The following FHIT variants were observed in gnomAD, a reference collection of about 807,000 sequenced individuals.
The protein encoded by FHIT is fragile histidine triad diadenosine triphosphatase.
FHIT carries 19 observed loss-of-function variants against 17.9 expected under a neutral mutation model. The ratio of observed to expected loss-of-function variants is 1.06; its 90% confidence interval spans 0.74 to 1.56. The LOEUF (loss-of-function observed/expected upper bound fraction) is 1.56, where lower values mean the gene tolerates loss of function less well. FHIT is among the 40% of genes most tolerant of loss of function. FHIT has a pLI of 0.00. For synonymous variants in FHIT, 81 were observed against 69.7 expected, an observed-to-expected ratio of 1.16 and a Z score of -0.81; for missense variants, 248 against 189.2, an observed-to-expected ratio of 1.31 and a Z score of -1.82.
chr3:60,316,531 C>T (rs943117384), intron 5 of FHIT, among the ~76,000 whole-genome samples: 1 of 152,144 alleles, frequency 6.6e-6, no homozygotes, highest in African/African-American at 2.4e-5. Context: ...TAGCAGCAAG[C>T]ACTATTTCTC....
intron 4 of FHIT, among the ~76,000 whole-genome samples, chr3:60,636,486 T>C (rs111877472): frequency 5.9e-5 from 9 of 152,184 alleles, no homozygotes; most frequent in Non-Finnish European, 1.0e-4. Context: ...CTGGATAAAT[T>C]CCTATGGATG....
intron 4 of FHIT, among the ~76,000 whole-genome samples, chr3:60,655,517 C>T (rs546163043): frequency 1.5e-4 from 23 of 152,210 alleles, no homozygotes; most frequent in African/African-American, 5.1e-4. Flanking sequence ...GGAAATGAGA[C>T]ACATCATTTT....
intron 5 of FHIT, among the ~76,000 whole-genome samples, chr3:60,270,146 G>C (rs1339470603): frequency 6.6e-6 from 1 of 152,174 alleles, no homozygotes; most frequent in African/African-American, 2.4e-5. Flanking sequence ...AGGTGACAGA[G>C]ACTCAGTGGT....
intron 5 of FHIT, among the ~76,000 whole-genome samples, chr3:60,499,551 C>A (rs1282864924): frequency 6.6e-6 from 1 of 152,180 alleles, no homozygotes; most frequent in Admixed American, 6.5e-5. Context: ...GCCACCGCAC[C>A]CGGCTAATAT....
chr3:60,499,809 T>A (rs914261369), intron 5 of FHIT, among the ~76,000 whole-genome samples: 2 of 152,204 alleles, frequency 1.3e-5, no homozygotes, highest in Admixed American at 1.3e-4. Flanking sequence ...TCGTTAGTTC[T>A]TACAGCACGT....
intron 3 of FHIT, among the ~76,000 whole-genome samples, chr3:60,946,081 A>T (rs9859690): frequency 0.51 from 77,238 of 151,906 alleles, 20,508 homozygotes; most frequent in East Asian, 0.67. Flanking sequence ...AAAGAAGAGA[A>T]GAACCATAGC....
At chr3:61,088,814 T>C (rs1319728587) in intron 2 of FHIT, among the ~76,000 whole-genome samples, 1 of 152,144 alleles carries the variant, frequency 6.6e-6, no homozygotes, top group Non-Finnish European at 1.5e-5. Flanking sequence ...TTGAACATTA[T>C]CTTATGCTGT....
intron 5 of FHIT, among the ~76,000 whole-genome samples, chr3:60,123,647 G>A (rs1220573273): frequency 6.6e-6 from 1 of 152,088 alleles, no homozygotes; most frequent in East Asian, 1.9e-4. Context: ...ATGATGAGTA[G>A]AGAAACCCAA....
intron 1 of FHIT, among the ~76,000 whole-genome samples, chr3:61,209,565 T>C (rs796217146): frequency 2.0e-5 from 3 of 151,930 alleles, no homozygotes; most frequent in African/African-American, 2.4e-5. Flanking sequence ...ATTTCATTCG[T>C]CTTCCATCAT....
chr3:60,286,695 C>A (rs547679127), intron 5 of FHIT, among the ~76,000 whole-genome samples: 1 of 152,158 alleles, frequency 6.6e-6, no homozygotes, highest in Non-Finnish European at 1.5e-5. Flanking sequence ...CAGGGAAAGT[C>A]GGTGTTTGCT....
chr3:59,951,984 C>A (rs1333742369), intron 7 of FHIT, among the ~76,000 whole-genome samples: 1 of 152,152 alleles, frequency 6.6e-6, no homozygotes, highest in Non-Finnish European at 1.5e-5. Flanking sequence ...TCATGTGTGG[C>A]CTTGATTTGC....
At chr3:60,050,236 T>A (rs999035526) in intron 5 of FHIT, among the ~76,000 whole-genome samples, 1 of 152,220 alleles carries the variant, frequency 6.6e-6, no homozygotes, top group African/African-American at 2.4e-5. Context: ...TTTTCTTAGC[T>A]TGTACTTTGT....
At chr3:60,127,582 TA>T (rs1340892057) in intron 5 of FHIT, among the ~76,000 whole-genome samples, 1 of 152,152 alleles carries the variant, frequency 6.6e-6, no homozygotes, top group Non-Finnish European at 1.5e-5. Context: ...TATGCTTAAA[TA>T]AGAACATTTT....
intron 5 of FHIT, among the ~76,000 whole-genome samples, chr3:60,035,746 C>T (rs1326049701): frequency 1.3e-5 from 2 of 152,256 alleles, no homozygotes; most frequent in East Asian, 1.9e-4. Context: ...ACTATTCTCG[C>T]CAGCACTTCA....
At chr3:60,411,292 T>C (rs1454211177) in intron 5 of FHIT, among the ~76,000 whole-genome samples, 4 of 152,206 alleles carry the variant, frequency 2.6e-5, no homozygotes, top group Non-Finnish European at 4.4e-5. Flanking sequence ...AACACTCTTC[T>C]TATTTCAACT....
At chr3:60,710,380 G>A (rs539498077) in intron 4 of FHIT, among the ~76,000 whole-genome samples, 91 of 152,348 alleles carry the variant, frequency 6.0e-4, no homozygotes, top group African/African-American at 2.1e-3. Flanking sequence ...TCCATCTGAG[G>A]TACCCGGTTC....
intron 4 of FHIT, among the ~76,000 whole-genome samples, chr3:60,621,449 C>T (rs963487333): frequency 1.7e-4 from 26 of 151,834 alleles, no homozygotes; most frequent in African/African-American, 6.3e-4. Context: ...GTGCCCAGCC[C>T]CAGTCTAATT....
chr3:61,141,896 A>T (rs2037092965), intron 2 of FHIT, among the ~76,000 whole-genome samples: 2 of 151,430 alleles, frequency 1.3e-5, no homozygotes, highest in South Asian at 4.2e-4. Flanking sequence ...CATCACCGGG[A>T]TGACTGCAGT....
At chr3:60,531,372 G>A (rs568175582) in intron 5 of FHIT, among the ~76,000 whole-genome samples, 41 of 150,136 alleles carry the variant, frequency 2.7e-4, no homozygotes, top group African/African-American at 8.1e-4. Flanking sequence ...TCCGCCTCCC[G>A]GGTTCACGCC....
Sources: allele counts gnomAD v4.1 joint callset (sites outside exome capture counted in the v4.1 genomes callset), GRCh38; gene constraint gnomAD v4.1.1; transcripts MANE v1.5; gene names NCBI Gene and HGNC (gene_info 2026-07-23, HGNC 2026-07-21).